SCN8A: variants seen among roughly 807,000 people sequenced by gnomAD.
The protein encoded by SCN8A is sodium channel protein type 8 subunit alpha.
In SCN8A, 30 loss-of-function variants were observed where a neutral mutation model predicts 184.1. The ratio of observed to expected loss-of-function variants is 0.16; its 90% CI spans 0.12 to 0.22. The LOEUF (loss-of-function observed/expected upper bound fraction) is 0.22, where lower values mean the gene tolerates loss of function less well. Among genes scored for constraint, SCN8A ranks in the 10% least tolerant of loss-of-function variants. The pLI is 1.00. For synonymous variants in SCN8A, 852 were observed against 907.0 expected (o/e 0.94, Z 1.09); for missense variants, 1,057 against 2,498.9 (o/e 0.42, Z 12.30).
At position 51,704,358 on chromosome 12, in the gene SCN8A, G is replaced by T. The variant is rs192792830; in HGVS notation, c.1135-1059G>T. 1.2e-3 allele frequency among the ~76,000 whole-genome samples: 184 copies of T among 152,040 alleles called. 3 individuals are homozygous for T. Among genetic ancestry groups the T allele is most frequent in the Admixed American group, 0.011 (165 of 15,270 alleles). On this transcript the variant is annotated intron_variant, in intron 9 of 26. Transcript: ENST00000627620. ...ACTCATCCTATTGCAAAAGAATAAGGAAGGGTGTCACTCAAGATGGGGATT... is the reference window on the plus strand; with the variant it reads ...ACTCATCCTATTGCAAAAGAATAAGTAAGGGTGTCACTCAAGATGGGGATT...
intron 11 of SCN8A, among the ~76,000 whole-genome samples, chr12:51,721,106 T>TATATATATAAAA (rs1179556945): frequency 9.4e-6 from 1 of 106,132 alleles, no homozygotes; most frequent in African/African-American, 3.9e-5. Flanking sequence ...TATATATATA[T>TATATATATAAAA]AATATTTATT....
chr12:51,627,682 T>G (rs1316209325), intron 1 of SCN8A, among the ~76,000 whole-genome samples: 1 of 152,190 alleles, frequency 6.6e-6, no homozygotes, highest in Non-Finnish European at 1.5e-5. Context: ...TGCCCAGCCC[T>G]CTTTTTTCTT....
Position 51,806,325 on chromosome 12 carries a change from A to G in SCN8A, c.4839A>G (p.Pro1613=), listed in dbSNP as rs1482866240. Residue 1613 remains proline (P), a synonymous_variant, in exon 27 of 27, where the codon CCA becomes CCG. Transcript: ENST00000627620. This position sits in a 1 kb window ranked among gnomAD's most constrained non-coding sequence, Gnocchi z 8.7. ...TAATTGAGAAATACTTTGTTTCCCC[A>G]ACCCTATTCCGAGTCATCCGATTGG... The part of the protein sequence containing the change: ...ADIIEKYFVS[P]TLFRVIRLAR... The G allele has an allele frequency of 2.0e-6, 3 of 1,537,356 alleles. No homozygotes were observed. The Admixed American group carries it at 6.1e-5, about 31-fold the overall frequency.
chr12:51,804,410 C>T (rs1289976610), intron 26 of SCN8A, among the ~76,000 whole-genome samples: 2 of 151,922 alleles, frequency 1.3e-5, no homozygotes, highest in African/African-American at 4.8e-5. Context: ...CCTCTGCCTC[C>T]CAGGCTCACG....
chr12:51,718,020 A>G (rs1158888583), intron 11 of SCN8A, among the ~76,000 whole-genome samples: 1 of 152,240 alleles, frequency 6.6e-6, no homozygotes, highest in African/African-American at 2.4e-5. Context: ...AATAATATGC[A>G]ACTAGAATTA....
intron 1 of SCN8A, among the ~76,000 whole-genome samples, chr12:51,629,360 G>T (rs1002844895): frequency 2.6e-5 from 4 of 152,106 alleles, no homozygotes; most frequent in African/African-American, 9.7e-5. Context: ...TCTGTGCATT[G>T]TAAGATGTTT....
chr12:51,772,293 G>A (rs975176933), intron 19 of SCN8A, among the ~76,000 whole-genome samples: 5 of 151,972 alleles, frequency 3.3e-5, no homozygotes, highest in African/African-American at 7.3e-5. Context: ...TACTCAGGAG[G>A]CTGAGGCAGG....
rs190006428 is a variant in SCN8A, at chr12:51,749,369, G to A, written c.2132-1986G>A. On this transcript the variant is annotated intron_variant, in intron 13 of 26. Coordinates refer to ENST00000627620, the MANE Select transcript of SCN8A (RefSeq NM_001330260.2). ...GTTCATTTTAAAACATTACAATTGT[G>A]TCAACTGTCATAAATGTGAGCAGTC... is the stretch of plus-strand genomic sequence containing the variant. Among the ~76,000 whole-genome samples, 10 of 152,244 alleles carry A rather than the reference G, an allele frequency of 6.6e-5. No individual in the cohort carries two copies. The East Asian group carries it at 1.9e-3, about 29-fold the overall frequency.
rs932250536 is a variant in SCN8A, at chr12:51,773,434, C to G, written c.3646-755C>G. 4.6e-5 allele frequency among the ~76,000 whole-genome samples: 7 copies of G among 152,304 alleles called. 1 individual carries two copies. Among genetic ancestry groups the G allele is most frequent in the Admixed American group, 4.6e-4 (7 of 15,302 alleles). On this transcript the variant is annotated intron_variant, in intron 19 of 26. Coordinates refer to ENST00000627620, the MANE Select transcript of SCN8A (RefSeq NM_001330260.2). ...ATTTTCTTCACCTGAGTATCTCCCA[C>G]CTGTATGACCCTCCACCCATACTGT...
chr12:51,765,021 C>A (rs1942816872), intron 15 of SCN8A, among the ~76,000 whole-genome samples: 1 of 151,990 alleles, frequency 6.6e-6, no homozygotes, highest in Non-Finnish European at 1.5e-5. Flanking sequence ...AGTCATCTGC[C>A]TACCTCAGCC....
intron 1 of SCN8A, among the ~76,000 whole-genome samples, chr12:51,610,630 T>A (rs950836459): frequency 2.6e-5 from 4 of 152,204 alleles, no homozygotes; most frequent in African/African-American, 9.6e-5. Context: ...TGAAAAAGAC[T>A]GTATCTTTCC....
At chr12:51,627,349 TAACCATA>T (rs1026634886) in intron 1 of SCN8A, among the ~76,000 whole-genome samples, 2 of 152,190 alleles carry the variant, frequency 1.3e-5, no homozygotes, top group African/African-American at 2.4e-5. Context: ...TATAAGGCCT[TAACCATA>T]AAAGCCTCAG....
At chr12:51,724,429 A>G (rs528874749) in intron 12 of SCN8A, among the ~76,000 whole-genome samples, 20 of 152,368 alleles carry the variant, frequency 1.3e-4, no homozygotes, top group Admixed American at 7.8e-4. Context: ...CCTAGGCAAG[A>G]AGAGCAACAC....
At chr12:51,713,113 T>A (rs145924134) in intron 11 of SCN8A, 1 of 1,276,430 alleles carries the variant, frequency 7.8e-7, no homozygotes, top group South Asian at 1.2e-5. Context: ...TCCTCTCTTT[T>A]TTCCACTCTG....
At chr12:51,603,056 C>G (rs940495861) in intron 1 of SCN8A, among the ~76,000 whole-genome samples, 4 of 151,832 alleles carry the variant, frequency 2.6e-5, no homozygotes, top group Non-Finnish European at 5.9e-5. Flanking sequence ...TGAAACAAAT[C>G]TTGGTGTACA....
intron 12 of SCN8A, among the ~76,000 whole-genome samples, chr12:51,731,132 T>A (rs569128958): frequency 6.6e-6 from 1 of 152,264 alleles, no homozygotes; most frequent in African/African-American, 2.4e-5. Context: ...ACACTTAGGT[T>A]GCTTCCAAAT....
intron 12 of SCN8A, among the ~76,000 whole-genome samples, chr12:51,742,849 A>G (rs1942450174): frequency 6.6e-6 from 1 of 151,928 alleles, no homozygotes; most frequent in Admixed American, 6.6e-5. Context: ...TTCCCTTTTG[A>G]GGCTATTTGC....
chr12:51,685,216 A>T (rs1450651896), intron 3 of SCN8A, among the ~76,000 whole-genome samples: 1 of 152,214 alleles, frequency 6.6e-6, no homozygotes, highest in Non-Finnish European at 1.5e-5. Flanking sequence ...TTTCTGTTGG[A>T]TCAGAAGATG....
intron 15 of SCN8A, among the ~76,000 whole-genome samples, chr12:51,765,397 A>G (rs994565395): frequency 6.6e-6 from 1 of 152,160 alleles, no homozygotes; most frequent in Admixed American, 6.5e-5. Context: ...CAAAAAGCAG[A>G]CTGACTCAGA....
Sources: allele counts gnomAD v4.1 joint callset (sites outside exome capture counted in the v4.1 genomes callset), GRCh38; gene constraint gnomAD v4.1.1; non-coding constraint Gnocchi (gnomAD v3.1); transcripts MANE v1.5; gene names NCBI Gene and HGNC (gene_info 2026-07-23, HGNC 2026-07-21).